The following WDR70 variants were observed in gnomAD, a reference collection of about 807,000 sequenced individuals.
WDR70 encodes WD repeat domain 70, also known as WD repeat-containing protein 70.
In WDR70, 53 loss-of-function variants were observed where a neutral mutation model predicts 88.6. That is an observed-to-expected ratio of 0.60 (90% CI 0.48 to 0.75). The LOEUF is 0.75. WDR70 is among the 30% of genes least tolerant of loss of function. WDR70 has a pLI of 0.00. For missense variants in WDR70, 610 were observed against 823.2 expected (o/e 0.74, Z 3.17); for synonymous variants, 280 against 270.0 (o/e 1.04, Z -0.36).
intron 10 of WDR70, among the ~76,000 whole-genome samples, chr5:37,686,599 G>C (rs756014708): frequency 1.3e-4 from 20 of 148,390 alleles, no homozygotes; most frequent in Non-Finnish European, 2.1e-4. Context: ...CCAGCCAGGC[G>C]TGGTGGCTTG....
chr5:37,554,938 G>A (rs1742255810), intron 9 of WDR70, among the ~76,000 whole-genome samples: 1 of 152,086 alleles, frequency 6.6e-6, no homozygotes, highest in East Asian at 1.9e-4. Context: ...ATGTATTAGG[G>A]AATTATTTAC....
At chr5:37,565,313 CTAAA>C (rs1439411845) in intron 9 of WDR70, among the ~76,000 whole-genome samples, 1 of 152,084 alleles carries the variant, frequency 6.6e-6, no homozygotes, top group Non-Finnish European at 1.5e-5. Flanking sequence ...ATTCTAAAGT[CTAAA>C]TAAACGTTAC....
chr5:37,694,490 C>T (rs1464065216), intron 10 of WDR70, among the ~76,000 whole-genome samples: 1 of 152,128 alleles, frequency 6.6e-6, no homozygotes, highest in East Asian at 1.9e-4. Context: ...AAATGTGGCA[C>T]ATATACACCA....
At chr5:37,617,773 T>G (rs930856643) in intron 10 of WDR70, among the ~76,000 whole-genome samples, 1 of 152,214 alleles carries the variant, frequency 6.6e-6, no homozygotes, top group African/African-American at 2.4e-5. Context: ...TCCCCAGAAA[T>G]CCTAGCTTTC....
intron 3 of WDR70, among the ~76,000 whole-genome samples, chr5:37,383,533 A>G (rs953551255): frequency 2.6e-5 from 4 of 151,926 alleles, no homozygotes; most frequent in Non-Finnish European, 5.9e-5. Flanking sequence ...AAGTGCTGGG[A>G]TTACAGGTGT....
At chr5:37,442,083 G>T (rs1475117846) in intron 6 of WDR70, among the ~76,000 whole-genome samples, 1 of 146,432 alleles carries the variant, frequency 6.8e-6, no homozygotes, top group Non-Finnish European at 1.5e-5. Flanking sequence ...TTGTTGCCCA[G>T]TTGGAGTGCA....
intron 10 of WDR70, among the ~76,000 whole-genome samples, chr5:37,652,988 T>G (rs577057055): frequency 7.9e-5 from 12 of 151,934 alleles, no homozygotes; most frequent in Non-Finnish European, 1.8e-4. Context: ...TGAATAGGAG[T>G]GGTGGGAGGG....
In WDR70 at chr5:37,419,491, A is replaced by G. The variant is rs189826378; in HGVS notation, c.493-18431A>G. On this transcript the variant is annotated intron_variant, in intron 5 of 17. Transcript: ENST00000265107. ...AGTGCTGGGATTACAGGTGTGAGCC[A>G]CCGCGCCCAGCTGCTTTTCTTTTTT... is the stretch of plus-strand genomic sequence containing the variant. 2.6e-3 allele frequency among the ~76,000 whole-genome samples: 390 copies of G among 150,240 alleles called. 3 individuals carry two copies. The highest frequency in any genetic ancestry group is 8.9e-3 in the African/African-American group (363 of 40,894).
At chr5:37,619,107 G>T (rs1352944911) in intron 10 of WDR70, among the ~76,000 whole-genome samples, 2 of 152,068 alleles carry the variant, frequency 1.3e-5, no homozygotes, top group Non-Finnish European at 2.9e-5. Flanking sequence ...TCCGTGTCAT[G>T]GTGCCTTATT....
At chr5:37,723,336 T>TAC in intron 15 of WDR70, 1 of 190,680 alleles carries the variant, frequency 5.2e-6, no homozygotes, top group East Asian at 1.3e-4. Flanking sequence ...CAGGGAAGTG[T>TAC]GGCGACCAGA....
At chr5:37,553,037 G>A (rs1742189976) in intron 9 of WDR70, among the ~76,000 whole-genome samples, 1 of 152,168 alleles carries the variant, frequency 6.6e-6, no homozygotes, top group African/African-American at 2.4e-5. Flanking sequence ...AGATAAGAGG[G>A]TGCTTGAATC....
At chr5:37,752,260 A>G (rs1008841571) in intron 17 of WDR70, among the ~76,000 whole-genome samples, 6 of 152,188 alleles carry the variant, frequency 3.9e-5, no homozygotes, top group African/African-American at 1.4e-4. Context: ...GTGTATGTAC[A>G]GTCTGCCACA....
intron 16 of WDR70, among the ~76,000 whole-genome samples, chr5:37,725,608 G>A (rs539217408): frequency 6.6e-6 from 1 of 152,234 alleles, no homozygotes; most frequent in South Asian, 2.1e-4. Context: ...GTTATCATCT[G>A]TGTAGTTTCT....
intron 8 of WDR70, among the ~76,000 whole-genome samples, chr5:37,494,019 A>C (rs546360477): frequency 6.6e-6 from 1 of 152,176 alleles, no homozygotes; most frequent in South Asian, 2.1e-4. Context: ...AGGTTTCATC[A>C]TGTTGGCCAG....
At chr5:37,671,758 C>T (rs1746032396) in intron 10 of WDR70, among the ~76,000 whole-genome samples, 1 of 152,222 alleles carries the variant, frequency 6.6e-6, no homozygotes, top group East Asian at 1.9e-4. Flanking sequence ...TATAAACTGA[C>T]TGACTTTTGG....
intron 13 of WDR70, among the ~76,000 whole-genome samples, chr5:37,712,620 TA>T (rs1747545506): frequency 6.6e-6 from 1 of 152,250 alleles, no homozygotes; most frequent in Non-Finnish European, 1.5e-5. Flanking sequence ...TTCATTAGAA[TA>T]GGGGACAAAT....
At chr5:37,530,462 T>C (rs1329826707) in intron 9 of WDR70, among the ~76,000 whole-genome samples, 1 of 151,764 alleles carries the variant, frequency 6.6e-6, no homozygotes, top group Non-Finnish European at 1.5e-5. Flanking sequence ...ATTTTTTTTA[T>C]TACCACTTCA....
At chr5:37,554,678 G>GCA (rs3068425) in intron 9 of WDR70, among the ~76,000 whole-genome samples, 26,037 of 147,152 alleles carry the variant, frequency 0.18, 2,360 homozygotes, top group South Asian at 0.26. Flanking sequence ...GCACCTGCAC[G>GCA]CACACACACA....
At chr5:37,726,836 C>T (rs777087064) in intron 16 of WDR70, 47 bp from the exon 17 acceptor site, 3 of 1,547,944 alleles carry the variant, frequency 1.9e-6, no homozygotes, top group Non-Finnish European at 2.6e-6. Flanking sequence ...CCTATGTATC[C>T]TCATGCTCAT....
Sources: gnomAD v4.1 joint callset for allele counts (sites outside exome capture counted in the v4.1 genomes callset) on GRCh38, gnomAD v4.1.1 for gene constraint, MANE v1.5 for transcripts, NCBI Gene and HGNC (gene_info 2026-07-23, HGNC 2026-07-21) for gene names.